Variants in AUTS2 observed in about 807,000 individuals in gnomAD.
AUTS2 encodes activator of transcription and developmental regulator AUTS2.
Under a neutral mutation model 112.4 loss-of-function variants are expected in AUTS2, and 17 were observed. The ratio of observed to expected loss-of-function variants is 0.15; its 90% CI spans 0.10 to 0.23. AUTS2 has a LOEUF of 0.23. AUTS2 is among the 10% of genes least tolerant of loss of function. The pLI, the probability that AUTS2 is intolerant of heterozygous loss-of-function variation, is 1.00. For synonymous variants in AUTS2, 751 were observed against 702.7 expected (o/e 1.07, Z -1.09); for missense variants, 1,510 against 1,701.6 (o/e 0.89, Z 1.98).
At chr7:70,143,733 G>A (rs1806981670) in intron 4 of AUTS2, among the ~76,000 whole-genome samples, 1 of 152,124 alleles carries the variant, frequency 6.6e-6, no homozygotes, top group Non-Finnish European at 1.5e-5. Flanking sequence ...TAGAAACATT[G>A]CCAAAGGTGA....
At chr7:70,411,901 CT>C (rs57907621) in intron 4 of AUTS2, among the ~76,000 whole-genome samples, 1 of 143,244 alleles carries the variant, frequency 7.0e-6, no homozygotes, top group Non-Finnish European at 1.5e-5. Flanking sequence ...AAACTCTTTC[CT>C]TTTTTTTTTC....
At chr7:70,489,390 G>T (rs906522810) in intron 5 of AUTS2, among the ~76,000 whole-genome samples, 1 of 152,136 alleles carries the variant, frequency 6.6e-6, no homozygotes, top group African/African-American at 2.4e-5. Context: ...CCTAAACCAA[G>T]AGCCTCATCA....
At chr7:70,446,338 G>A (rs1796317823) in intron 5 of AUTS2, among the ~76,000 whole-genome samples, 1 of 152,336 alleles carries the variant, frequency 6.6e-6, no homozygotes, top group African/African-American at 2.4e-5. Context: ...CGTGCCGGCT[G>A]AGCTGATTAC....
chr7:70,347,647 C>T (rs992152009), intron 4 of AUTS2, among the ~76,000 whole-genome samples: 1 of 152,162 alleles, frequency 6.6e-6, no homozygotes, highest in Non-Finnish European at 1.5e-5. Flanking sequence ...CCTGGGGACT[C>T]CACCTCATCT....
At chr7:70,552,031 A>G (rs1801034438) in intron 5 of AUTS2, among the ~76,000 whole-genome samples, 1 of 152,192 alleles carries the variant, frequency 6.6e-6, no homozygotes. Flanking sequence ...GAGCAAGTTA[A>G]TACTATATTT....
intron 2 of AUTS2, among the ~76,000 whole-genome samples, chr7:69,947,218 G>A (rs1796849888): frequency 1.3e-5 from 2 of 152,166 alleles, no homozygotes; most frequent in Non-Finnish European, 2.9e-5. Context: ...AAGCTGTGGG[G>A]TAGTTATGTT....
At chr7:69,642,993 T>A (rs2533441) in intron 1 of AUTS2, among the ~76,000 whole-genome samples, 93,295 of 151,950 alleles carry the variant, frequency 0.61, 28,969 homozygotes, top group East Asian at 0.7. Flanking sequence ...TGTCCTGGGC[T>A]GGGGTCTCAC....
intron 4 of AUTS2, among the ~76,000 whole-genome samples, chr7:70,148,880 G>A (rs12698860): frequency 0.097 from 14,730 of 152,020 alleles, 763 homozygotes; most frequent in Admixed American, 0.12. Flanking sequence ...AACAAAGCTA[G>A]TAAAGAATGT....
intron 4 of AUTS2, among the ~76,000 whole-genome samples, chr7:70,395,644 C>T (rs555394469): frequency 3.3e-5 from 5 of 152,288 alleles, no homozygotes; most frequent in South Asian, 2.1e-4. Context: ...ATGTGCTTAA[C>T]ATAGGTTGAA....
chr7:69,732,082 T>G (rs1267675017), intron 1 of AUTS2, among the ~76,000 whole-genome samples: 2 of 152,140 alleles, frequency 1.3e-5, no homozygotes, highest in Non-Finnish European at 2.9e-5. Flanking sequence ...AGGAAGGCTA[T>G]AGAGCCAAGT....
intron 1 of AUTS2, among the ~76,000 whole-genome samples, chr7:69,667,773 C>A (rs1023022334): frequency 3.9e-5 from 6 of 152,150 alleles, no homozygotes; most frequent in Non-Finnish European, 8.8e-5. Flanking sequence ...CCCTGGGGCC[C>A]ATTCCCAATC....
At chr7:69,643,645 C>T (rs968598183) in intron 1 of AUTS2, among the ~76,000 whole-genome samples, 1 of 152,052 alleles carries the variant, frequency 6.6e-6, no homozygotes, top group Admixed American at 6.6e-5. Flanking sequence ...AACCCCCCAC[C>T]CCGCCCCCAG....
intron 4 of AUTS2, among the ~76,000 whole-genome samples, chr7:70,203,961 C>CT (rs1000486386): frequency 7.0e-6 from 1 of 143,430 alleles, no homozygotes; most frequent in Non-Finnish European, 1.5e-5. Flanking sequence ...ATTTTTAAGC[C>CT]TTAAAAAAAA....
chr7:70,041,250 ACT>A (rs912898280), intron 2 of AUTS2, among the ~76,000 whole-genome samples: 11 of 152,028 alleles, frequency 7.2e-5, no homozygotes, highest in African/African-American at 2.7e-4. Context: ...AAAACTTCAT[ACT>A]CTCTTAAAAA....
intron 5 of AUTS2, among the ~76,000 whole-genome samples, chr7:70,625,752 C>A (rs1804905552): frequency 6.6e-6 from 1 of 152,174 alleles, no homozygotes; most frequent in African/African-American, 2.4e-5. Context: ...AGACCACGTA[C>A]ATTCGTGGCT....
intron 2 of AUTS2, among the ~76,000 whole-genome samples, chr7:70,094,010 A>G (rs1804059701): frequency 6.6e-6 from 1 of 152,202 alleles, no homozygotes; most frequent in Admixed American, 6.5e-5. Context: ...AGATGCACAG[A>G]TGCTCATCTG....
intron 1 of AUTS2, among the ~76,000 whole-genome samples, chr7:69,695,838 T>TA (rs1030134267): frequency 2.6e-5 from 4 of 152,024 alleles, no homozygotes; most frequent in East Asian, 1.9e-4. Flanking sequence ...AACTAGACAT[T>TA]AAAAAAAATC....
At chr7:70,713,004 T>C (rs528960901) in intron 6 of AUTS2, among the ~76,000 whole-genome samples, 22 of 152,334 alleles carry the variant, frequency 1.4e-4, no homozygotes, top group African/African-American at 5.3e-4. Context: ...CTCTATAGCC[T>C]TGTGAACAGG....
intron 1 of AUTS2, among the ~76,000 whole-genome samples, chr7:69,893,020 C>T (rs772080416): frequency 1.7e-4 from 26 of 152,182 alleles, no homozygotes; most frequent in Admixed American, 3.3e-4. Context: ...ACTTGCTCCT[C>T]CTCTAACCTA....
Sources: gnomAD v4.1 joint callset for allele counts (sites outside exome capture counted in the v4.1 genomes callset) on GRCh38, gnomAD v4.1.1 for gene constraint, MANE v1.5 for transcripts, NCBI Gene and HGNC (gene_info 2026-07-23, HGNC 2026-07-21) for gene names.